The following CACNA1A variants were observed in gnomAD, a reference collection of about 807,000 sequenced individuals.
CACNA1A encodes the protein calcium voltage-gated channel subunit alpha1 A.
In CACNA1A, 57 loss-of-function variants were observed where a neutral mutation model predicts 262.4. That is an observed-to-expected ratio of 0.22 (90% CI 0.18 to 0.27). The LOEUF is 0.27. CACNA1A is among the 10% of genes least tolerant of loss of function. The probability of loss-of-function intolerance (pLI) is 1.00; values close to 1 mark genes in which losing one functional copy is unlikely to be tolerated. For missense variants in CACNA1A, 2,526 were observed against 3,562.8 expected (o/e 0.71, Z 7.41); for synonymous variants, 1,431 against 1,419.3 (o/e 1.01, Z -0.18).
At chr19:13,410,714 A>G (rs10416717) in intron 3 of CACNA1A, among the ~76,000 whole-genome samples, 46,108 of 151,762 alleles carry the variant, frequency 0.3, 12,428 homozygotes, top group African/African-American at 0.7. Flanking sequence ...GCTCTGGCTC[A>G]GGTCACGAAA....
chr19:13,410,533 C>CT (rs1301266758), intron 3 of CACNA1A, among the ~76,000 whole-genome samples: 2 of 134,372 alleles, frequency 1.5e-5, no homozygotes, highest in African/African-American at 2.9e-5. Flanking sequence ...TTTCTTTATT[C>CT]TTTTTTCTTT....
intron 3 of CACNA1A, among the ~76,000 whole-genome samples, chr19:13,410,433 T>C (rs1332461349): frequency 2.6e-5 from 4 of 151,930 alleles, no homozygotes; most frequent in African/African-American, 9.7e-5. Context: ...GGTCTCACTA[T>C]GTTGTCCAGG....
At chr19:13,234,350 C>CAAAAAA (rs71168693) in intron 34 of CACNA1A, among the ~76,000 whole-genome samples, 14 of 71,222 alleles carry the variant, frequency 2.0e-4, no homozygotes, top group Admixed American at 2.1e-4. Flanking sequence ...ACTCCATCTC[C>CAAAAAA]AAAAAAAAAA....
intron 1 of CACNA1A, among the ~76,000 whole-genome samples, chr19:13,474,061 T>C (rs1978306979): frequency 1.3e-5 from 2 of 152,224 alleles, no homozygotes. Context: ...AACCCACATA[T>C]TCTGTGTCTC....
intron 28 of CACNA1A, among the ~76,000 whole-genome samples, chr19:13,255,705 T>TCCTTCCCTCCC (rs2056532573): frequency 9.4e-5 from 3 of 31,850 alleles, no homozygotes; most frequent in African/African-American, 3.6e-4. Flanking sequence ...CCCTCCTTCC[T>TCCTTCCCTCCC]TCCCTCCCTC....
At chr19:13,386,898 C>T (rs2059625266) in intron 3 of CACNA1A, among the ~76,000 whole-genome samples, 1 of 152,146 alleles carries the variant, frequency 6.6e-6, no homozygotes, top group Non-Finnish European at 1.5e-5. Flanking sequence ...TGGAAGGACT[C>T]TTTGGAGACA....
chr19:13,465,621 A>G (rs1336670420), intron 1 of CACNA1A, among the ~76,000 whole-genome samples: 4 of 152,066 alleles, frequency 2.6e-5, no homozygotes, highest in Non-Finnish European at 5.9e-5. Context: ...AATAGCTGGG[A>G]CTACAGGCAC....
At chr19:13,297,458 G>A (rs2057687735) in intron 19 of CACNA1A, among the ~76,000 whole-genome samples, 1 of 152,196 alleles carries the variant, frequency 6.6e-6, no homozygotes, top group South Asian at 2.1e-4. Flanking sequence ...ATGATTGCTT[G>A]AGGCCAGGAG....
chr19:13,346,666 A>ATTTT (rs74181823), intron 6 of CACNA1A, among the ~76,000 whole-genome samples: 1 of 8,286 alleles, frequency 1.2e-4, no homozygotes, highest in Non-Finnish European at 2.0e-4. Context: ...ATATATATAT[A>ATTTT]TTTTTTTTTT....
intron 3 of CACNA1A, among the ~76,000 whole-genome samples, chr19:13,398,895 C>A (rs1340524468): frequency 6.6e-6 from 1 of 152,240 alleles, no homozygotes; most frequent in Admixed American, 6.5e-5. Context: ...CTGCAATAGG[C>A]TCTGACAAAT....
rs1360738184 is a variant in CACNA1A at position 13,275,972 on chromosome 19, G to A, written c.3883-16C>T. ...GGTCAATCATCTGTGGGGGAGAAGA[G>A]AGGGTGCTCAGAACCCCCACCTGAT... On this transcript the variant is annotated splice_polypyrimidine_tract_variant and intron_variant, in intron 23 of 46. Transcript: ENST00000360228. 2.5e-6 allele frequency: 4 copies of A among 1,576,588 alleles called. No homozygotes were observed. The highest frequency in any genetic ancestry group is 3.5e-6 in the Non-Finnish European group (4 of 1,146,520).
chr19:13,377,393 CAG>C (rs1406809859), intron 3 of CACNA1A, among the ~76,000 whole-genome samples: 4 of 147,680 alleles, frequency 2.7e-5, no homozygotes, highest in East Asian at 4.0e-4. Context: ...TTTTTTGAGA[CAG>C]AGTCTCACTC....
At chr19:13,293,477 G>C (rs10420879) in intron 19 of CACNA1A, among the ~76,000 whole-genome samples, 35 of 121,104 alleles carry the variant, frequency 2.9e-4, no homozygotes, top group African/African-American at 1.1e-3. Context: ...ATGGAGTCTC[G>C]CTCTGTCTCC....
intron 3 of CACNA1A, among the ~76,000 whole-genome samples, chr19:13,377,332 T>C (rs1168640018): frequency 6.6e-6 from 1 of 151,882 alleles, no homozygotes; most frequent in Non-Finnish European, 1.5e-5. Flanking sequence ...AATGGGCATG[T>C]ACAAGAAGAT....
At chr19:13,328,597 C>A (rs1319670621) in intron 10 of CACNA1A, among the ~76,000 whole-genome samples, 2 of 152,038 alleles carry the variant, frequency 1.3e-5, no homozygotes, top group Admixed American at 6.6e-5. Flanking sequence ...TATCTTTGAT[C>A]CTATAATTAT....
At chr19:13,306,020 G>A (rs972062331) in intron 15 of CACNA1A, among the ~76,000 whole-genome samples, 7 of 150,478 alleles carry the variant, frequency 4.7e-5, no homozygotes, top group Non-Finnish European at 7.4e-5. Context: ...AGAACGTGCC[G>A]TCGCACTCCA....
At chr19:13,430,562 C>T (rs1208888139) in intron 3 of CACNA1A, among the ~76,000 whole-genome samples, 1 of 152,130 alleles carries the variant, frequency 6.6e-6, no homozygotes, top group Admixed American at 6.6e-5. Flanking sequence ...GATGTTACCA[C>T]CTAGTCATGG....
rs56218610 is a variant in CACNA1A, at chr19:13,429,167, T to TACACAC, written c.539+23703_539+23708dup. On this transcript the variant is annotated intron_variant, in intron 3 of 46. Transcript: ENST00000360228. ...CCCCTCCAGCCTCTATCACTGTGCG[T>TACACAC]ACACACACACACACACACACACACA... Among the ~76,000 whole-genome samples the TACACAC allele has an allele frequency of 5.2e-3, 728 of 141,236 alleles. 2 individuals carry two copies. The highest frequency in any genetic ancestry group is 0.015 in the East Asian group (72 of 4,646). 92.7% of individuals were successfully genotyped at this position (141,236 alleles called of 152,430 possible).
intron 22 of CACNA1A, among the ~76,000 whole-genome samples, chr19:13,280,202 G>T (rs956643698): frequency 6.6e-6 from 1 of 152,164 alleles, no homozygotes; most frequent in African/African-American, 2.4e-5. Context: ...TTGAGACAGG[G>T]TCTCGCTCTG....
Sources: gnomAD v4.1 joint callset for allele counts (sites outside exome capture counted in the v4.1 genomes callset) on GRCh38, gnomAD v4.1.1 for gene constraint, MANE v1.5 for transcripts, NCBI Gene and HGNC (gene_info 2026-07-23, HGNC 2026-07-21) for gene names.